Variants in ADGRL3 observed in about 807,000 individuals in gnomAD.
ADGRL3 encodes the protein adhesion G protein-coupled receptor L3, also known as calcium-independent alpha-latrotoxin receptor 3.
In ADGRL3, 62 loss-of-function variants were observed where a neutral mutation model predicts 153.5. That is an observed-to-expected ratio of 0.40 (90% CI 0.33 to 0.50). ADGRL3 has a LOEUF of 0.50. Ranked by LOEUF, ADGRL3 falls within the 20% of genes least tolerant of loss-of-function variation. The probability of loss-of-function intolerance (pLI) is 0.47; values close to 1 mark genes in which losing one functional copy is unlikely to be tolerated. For synonymous variants in ADGRL3, 710 were observed against 672.5 expected (o/e 1.06, Z -0.86); for missense variants, 1,641 against 1,859.4 (o/e 0.88, Z 2.16).
At chr4:61,893,117 TTC>T (rs1166712680) in intron 10 of ADGRL3, among the ~76,000 whole-genome samples, 159 bp downstream of exon 10, 4 of 142,904 alleles carry the variant, frequency 2.8e-5, no homozygotes, top group African/African-American at 5.1e-5. Flanking sequence ...CCTTCTTTCT[TTC>T]TCTCTTTCTC....
At chr4:61,255,064 A>G (rs1390767166) in intron 1 of ADGRL3, among the ~76,000 whole-genome samples, 1 of 152,178 alleles carries the variant, frequency 6.6e-6, no homozygotes, top group Non-Finnish European at 1.5e-5. Flanking sequence ...CAGCATAAAT[A>G]TCATGAACAT....
chr4:61,619,988 G>A (rs1156607419), intron 5 of ADGRL3, among the ~76,000 whole-genome samples: 1 of 151,948 alleles, frequency 6.6e-6, no homozygotes, highest in African/African-American at 2.4e-5. Context: ...AGTAGAATTA[G>A]TGAGTAAAAT....
chr4:61,924,311 A>G (rs1037070782), intron 13 of ADGRL3, among the ~76,000 whole-genome samples: 1 of 152,030 alleles, frequency 6.6e-6, no homozygotes, highest in African/African-American at 2.4e-5. Flanking sequence ...TCAAACCCTT[A>G]AGCTTGGAGT....
At chr4:61,267,561 A>G (rs1480525468) in intron 1 of ADGRL3, among the ~76,000 whole-genome samples, 1 of 151,738 alleles carries the variant, frequency 6.6e-6, no homozygotes, top group East Asian at 1.9e-4. Flanking sequence ...ACATTACAGC[A>G]CAGAATAGAA....
At chr4:62,014,833 G>A (rs1031502414) in intron 21 of ADGRL3, among the ~76,000 whole-genome samples, 1 of 152,100 alleles carries the variant, frequency 6.6e-6, no homozygotes, top group African/African-American at 2.4e-5. Flanking sequence ...AATGCCTAAC[G>A]TGTCACCATA....
At chr4:61,464,388 G>T (rs751048373) in intron 2 of ADGRL3, among the ~76,000 whole-genome samples, 2 of 152,180 alleles carry the variant, frequency 1.3e-5, no homozygotes, top group Non-Finnish European at 2.9e-5. Flanking sequence ...ATGTAAATGT[G>T]CAGAGTTGTT....
intron 8 of ADGRL3, among the ~76,000 whole-genome samples, chr4:61,763,807 A>G (rs944269417): frequency 6.6e-6 from 1 of 152,290 alleles, no homozygotes; most frequent in Middle Eastern, 3.4e-3. Context: ...AATATTTTTT[A>G]GAAACTGAAT....
chr4:61,991,208 G>A (rs1270605237), intron 19 of ADGRL3, among the ~76,000 whole-genome samples: 1 of 151,824 alleles, frequency 6.6e-6, no homozygotes, highest in African/African-American at 2.4e-5. Flanking sequence ...AAAATAGATT[G>A]TATTAAAAAG....
chr4:61,566,652 TA>T (rs1363545205), intron 4 of ADGRL3, among the ~76,000 whole-genome samples: 1 of 152,124 alleles, frequency 6.6e-6, no homozygotes, highest in Non-Finnish European at 1.5e-5. Flanking sequence ...CTGATGAAGA[TA>T]AAAATATATA....
intron 1 of ADGRL3, among the ~76,000 whole-genome samples, chr4:61,285,211 A>G (rs1004364853): frequency 6.6e-6 from 1 of 151,876 alleles, no homozygotes; most frequent in Non-Finnish European, 1.5e-5. Context: ...AGTTTTTACC[A>G]CTTGGACAAA....
At chr4:61,556,183 T>A (rs1477381534) in intron 4 of ADGRL3, among the ~76,000 whole-genome samples, 1 of 152,156 alleles carries the variant, frequency 6.6e-6, no homozygotes, top group East Asian at 1.9e-4. Context: ...TATATTTTTA[T>A]GTGCAGTGGA....
chr4:61,905,397 C>A (rs1305849858), intron 11 of ADGRL3, among the ~76,000 whole-genome samples: 1 of 152,126 alleles, frequency 6.6e-6, no homozygotes, highest in Non-Finnish European at 1.5e-5. Flanking sequence ...ACATTTATAT[C>A]ACTTTATGAA....
intron 1 of ADGRL3, among the ~76,000 whole-genome samples, chr4:61,259,944 A>C (rs1308137658): frequency 6.6e-6 from 1 of 152,194 alleles, no homozygotes; most frequent in Non-Finnish European, 1.5e-5. Context: ...TAAGTACTTG[A>C]ATCTAACACT....
intron 1 of ADGRL3, among the ~76,000 whole-genome samples, chr4:61,374,617 T>C (rs1277456594): frequency 6.6e-6 from 1 of 152,014 alleles, no homozygotes; most frequent in African/African-American, 2.4e-5. Flanking sequence ...ACAGGCAATG[T>C]GGGAAGGGGG....
chr4:61,426,312 T>G (rs2097279883), intron 2 of ADGRL3, among the ~76,000 whole-genome samples: 1 of 152,134 alleles, frequency 6.6e-6, no homozygotes, highest in Non-Finnish European at 1.5e-5. Flanking sequence ...CTGCTCTGAG[T>G]TCAGCCCACT....
At chr4:61,287,539 G>C (rs926897471) in intron 1 of ADGRL3, among the ~76,000 whole-genome samples, 1 of 151,972 alleles carries the variant, frequency 6.6e-6, no homozygotes, top group Non-Finnish European at 1.5e-5. Context: ...AAATGTTACT[G>C]TTTATGTGCA....
Position 61,616,075 on chromosome 4 carries a change from G to T in ADGRL3, c.473+28635G>T, listed in dbSNP as rs555143058. ...TTGAACATTATGAGGAAATTAGACA[G>T]ACAGACAATAGTCCAAAAGATATTT... On this transcript the variant is annotated intron_variant, in intron 5 of 26. Transcript: ENST00000683033. 6.6e-5 allele frequency among the ~76,000 whole-genome samples: 10 copies of T among 152,216 alleles called. No individual in the cohort carries two copies. The East Asian group carries it at 1.7e-3, about 26-fold the overall frequency.
intron 2 of ADGRL3, among the ~76,000 whole-genome samples, chr4:61,409,358 ATAT>A (rs1216182980): frequency 0.021 from 511 of 24,104 alleles, 4 homozygotes; most frequent in South Asian, 0.092. Flanking sequence ...GATATATAAT[ATAT>A]TATATATATA....
intron 2 of ADGRL3, among the ~76,000 whole-genome samples, chr4:61,486,053 C>T (rs2098189453): frequency 1.3e-5 from 2 of 152,104 alleles, no homozygotes; most frequent in African/African-American, 4.8e-5. Context: ...ACGCCATTCT[C>T]CTGCCTCAGC....
Sources: allele counts gnomAD v4.1 joint callset (sites outside exome capture counted in the v4.1 genomes callset), GRCh38; gene constraint gnomAD v4.1.1; transcripts MANE v1.5; gene names NCBI Gene and HGNC (gene_info 2026-07-23, HGNC 2026-07-21).